The following FXR2 variants were observed in gnomAD, a reference collection of about 807,000 sequenced individuals.
FXR2 encodes RNA-binding protein FXR2.
In FXR2, 9 loss-of-function variants were observed where a neutral mutation model predicts 87.3. The ratio of observed to expected loss-of-function variants is 0.10; its 90% CI spans 0.06 to 0.18. The LOEUF (loss-of-function observed/expected upper bound fraction) is 0.18, where lower values mean the gene tolerates loss of function less well. FXR2 is among the 10% of genes least tolerant of loss of function. The probability of loss-of-function intolerance (pLI) is 1.00; values close to 1 mark genes in which losing one functional copy is unlikely to be tolerated. For missense variants in FXR2, 661 were observed against 893.6 expected (o/e 0.74, Z 3.32); for synonymous variants, 331 against 328.3 (o/e 1.01, Z -0.09).
At position 7,593,415 on chromosome 17, in the gene FXR2, C is replaced by T. The variant is rs1349749058; in HGVS notation, c.1318G>A (p.Gly440Ser). Residue 440 changes from glycine (G) to serine (S), a missense_variant, in exon 12 of 17, where the codon GGT becomes AGT. By Grantham distance (56) the Gly-to-Ser change is moderately conservative. Coordinates refer to ENST00000250113, the MANE Select transcript of FXR2 (RefSeq NM_004860.4). The surrounding 1 kb of genome is among the most constrained non-coding windows in gnomAD (Gnocchi z 6.1). ...ATAACTGTCTCACCATAGGCAGGAC[C>T]GCCTGTCCTCCGGCCACGGCCACGG... ...GGRGRGRRTG[G>S]PAYGPSSDVS... is the part of the protein sequence containing the mutation. 1.9e-6 allele frequency: 3 copies of T among 1,571,528 alleles called. 1 individual carries two copies. The highest frequency in any genetic ancestry group is 2.3e-5 in the South Asian group (2 of 85,654).
intron 1 of FXR2, among the ~76,000 whole-genome samples, chr17:7,611,915 G>A (rs886392755): frequency 2.0e-5 from 3 of 152,076 alleles, no homozygotes; most frequent in African/African-American, 7.2e-5. Flanking sequence ...TCAGGAACAG[G>A]GCAGAAAATG....
chr17:7,591,983 G>A lies in FXR2; in HGVS notation c.1927-58C>T, dbSNP rs2071665728. ...CAAGAAGCGGTGAGTAGAAATTCAGGTGGGAGACATTCCCTACCATCCAAG... is the reference window on the plus strand; with the variant it reads ...CAAGAAGCGGTGAGTAGAAATTCAGATGGGAGACATTCCCTACCATCCAAG... On this transcript the variant is annotated intron_variant, in intron 16 of 16. Transcript: ENST00000250113. The surrounding 1 kb of genome is among the most constrained non-coding windows in gnomAD (Gnocchi z 4.0). 3.2e-6 allele frequency: 4 copies of A among 1,240,874 alleles called. No homozygotes were observed. In the Admixed American group the frequency reaches 8.0e-5, roughly 25 times the overall value. The allele number at this position is 1,240,874 out of a possible 1,614,324, so 76.9% of individuals were successfully genotyped here.
rs1368626184 is a variant in FXR2 at position 7,593,420 on chromosome 17, G to A, written c.1313C>T (p.Thr438Ile). Residue 438 changes from threonine to isoleucine, a missense_variant, in exon 12 of 17, where the codon ACA (threonine) becomes ATA (isoleucine). Physicochemically the swap from Thr to Ile is moderately conservative, Grantham distance 89. This residue lies in a region of FXR2 where 409 missense variants were observed against 432.0 expected (regional missense o/e 0.95). Coordinates refer to ENST00000250113, the MANE Select transcript of FXR2 (RefSeq NM_004860.4). This position sits in a 1 kb window ranked among gnomAD's most constrained non-coding sequence, Gnocchi z 6.1. ...TGTCTCACCATAGGCAGGACCGCCT[G>A]TCCTCCGGCCACGGCCACGGCCCCC... Reference protein sequence around the residue: ...SYGGRGRGRRTGGPAYGPSSD... With the variant: ...SYGGRGRGRRIGGPAYGPSSD... The A allele has an allele frequency of 6.3e-7, 1 of 1,576,284 alleles. No individual in the cohort carries two copies. Among genetic ancestry groups the A allele is most frequent in the South Asian group, 1.2e-5 (1 of 85,996 alleles).
intron 1 of FXR2, among the ~76,000 whole-genome samples, chr17:7,612,018 A>G (rs2071868830): frequency 6.6e-6 from 1 of 152,168 alleles, no homozygotes. Flanking sequence ...GTCCCCATCT[A>G]TTCAAGTCTA....
chr17:7,591,532 T>G lies in FXR2; in HGVS notation c.*298A>C. On this transcript the variant is annotated 3_prime_UTR_variant, in exon 17 of 17. Coordinates refer to ENST00000250113, the MANE Select transcript of FXR2 (RefSeq NM_004860.4). This position sits in a 1 kb window ranked among gnomAD's most constrained non-coding sequence, Gnocchi z 4.0. Reference sequence around the variant, plus strand: ...TCGAGGAGCACCCCCCACCAACAGGTGGAGAATGGGGGTGTTCAGAGAGAG... The same window carrying G: ...TCGAGGAGCACCCCCCACCAACAGGGGGAGAATGGGGGTGTTCAGAGAGAG... 2.8e-6 allele frequency: 1 copy of G among 360,492 alleles called. No individual in the cohort carries two copies. Among genetic ancestry groups the G allele is most frequent in the East Asian group, 7.1e-5 (1 of 14,168 alleles). 22.3% of individuals were successfully genotyped at this position (360,492 alleles called of 1,614,324 possible).
chr17:7,599,091 T>G (rs2071731359), intron 7 of FXR2, among the ~76,000 whole-genome samples: 2 of 150,930 alleles, frequency 1.3e-5, no homozygotes, highest in Non-Finnish European at 3.0e-5. Context: ...GAGCGGAGAT[T>G]GTGCCATTGC....
At chr17:7,614,347 A>G in intron 1 of FXR2, 105 bp downstream of exon 1, 2 of 837,944 alleles carry the variant, frequency 2.4e-6, no homozygotes, top group South Asian at 1.7e-5. Flanking sequence ...CAAGATTCTA[A>G]GGGCCAGGAC....
chr17:7,592,737 T>C lies in FXR2; in HGVS notation c.1686A>G (p.Gly562=). Residue 562 remains glycine (G), a synonymous_variant, in exon 14 of 17, where the codon GGA becomes GGG. Transcript: ENST00000250113. This position sits in a 1 kb window ranked among gnomAD's most constrained non-coding sequence, Gnocchi z 4.8. ...RTDEDRTVMD[G]GLESDGPNMT... Reference sequence around the variant, plus strand: ...TGTTGGGCCCATCTGATTCCAGGCCTCCATCCATGACGGTCCTGTCTTCAT... The same window carrying C: ...TGTTGGGCCCATCTGATTCCAGGCCCCCATCCATGACGGTCCTGTCTTCAT... 6.2e-7 allele frequency: 1 copy of C among 1,612,688 alleles called. No homozygotes were observed. The highest frequency in any genetic ancestry group is 1.1e-5 in the South Asian group (1 of 91,020).
intron 1 of FXR2, among the ~76,000 whole-genome samples, chr17:7,606,549 A>G (rs1447395969): frequency 6.6e-6 from 1 of 152,220 alleles, no homozygotes; most frequent in Non-Finnish European, 1.5e-5. Context: ...CCTAGAGGAC[A>G]TGAGGATCTG....
At position 7,604,091 on chromosome 17, in the gene FXR2, GT is replaced by G. The variant is rs145728391; in HGVS notation, c.229-12del. On this transcript the variant is annotated splice_polypyrimidine_tract_variant and intron_variant, in intron 3 of 16. Coordinates refer to ENST00000250113, the MANE Select transcript of FXR2 (RefSeq NM_004860.4). ...GGCTCGAGAATAAACCTAAAGAAAA[GT>G]AGAGAATCAAAGAGATATTGAAGAC... 2 of 1,554,866 alleles carry G rather than the reference GT, an allele frequency of 1.3e-6. No homozygotes were observed. The highest frequency in any genetic ancestry group is 1.9e-5 in the Admixed American group (1 of 51,556).
In FXR2 at chr17:7,592,977, C is replaced by T; in HGVS notation, c.1528+7G>A. On this transcript the variant is annotated splice_region_variant and intron_variant, in intron 13 of 16. Coordinates refer to ENST00000250113, the MANE Select transcript of FXR2 (RefSeq NM_004860.4). This position sits in a 1 kb window ranked among gnomAD's most constrained non-coding sequence, Gnocchi z 4.8. ...GGCCCATATTCATGAACCCAGCTGT[C>T]TGGTACCTGAGCTAATAGATGAAGA... is the stretch of plus-strand genomic sequence containing the variant. The T allele has an allele frequency of 6.4e-7, 1 of 1,565,232 alleles. No individual in the cohort carries two copies. The highest frequency in any genetic ancestry group is 8.6e-7 in the Non-Finnish European group (1 of 1,157,648).
intron 1 of FXR2, chr17:7,613,898 ACGT>A: frequency 2.7e-6 from 1 of 371,820 alleles, no homozygotes; most frequent in Non-Finnish European, 5.4e-6. Flanking sequence ...AAGATGCCAA[ACGT>A]CGTAAATGGA....
At chr17:7,596,704 G>GGT (rs2071710651) in intron 7 of FXR2, among the ~76,000 whole-genome samples, 1 of 152,188 alleles carries the variant, frequency 6.6e-6, no homozygotes, top group Non-Finnish European at 1.5e-5. Context: ...AGACAAGGCT[G>GGT]GTGTGAAAGT....
rs751283911 is a variant in FXR2, at chr17:7,592,513, G to A, written c.1816C>T (p.Arg606Cys). ...NRTDGSISGD[R>C]QPVTVADYIS... is the part of the protein sequence containing the mutation. ...TCCAGAGTTGGCTGACCTGGCTGGC[G>A]GTCTCCACTGATAGAGCCATCAGTC... The change falls in exon 15 of 17, where the codon CGC becomes TGC. Residue 606 changes from arginine (R) to cysteine (C), a missense_variant. Physicochemically the swap from Arg to Cys is radical, Grantham distance 180. Coordinates refer to ENST00000250113, the MANE Select transcript of FXR2 (RefSeq NM_004860.4). The surrounding 1 kb of genome is among the most constrained non-coding windows in gnomAD (Gnocchi z 4.8). 3.7e-6 allele frequency: 6 copies of A among 1,613,784 alleles called. No individual in the cohort carries two copies. The highest frequency in any genetic ancestry group is 2.2e-5 in the East Asian group (1 of 44,886).
rs202152843 is a variant in FXR2 at position 7,604,721 on chromosome 17, C to CT, written c.229-642dup. Reference sequence around the variant, plus strand: ...GAAAAAAAAGGTATTTGGGATGCATCTTTTTTTTTTTTTTTTTGAGACAGA... The same window carrying CT: ...GAAAAAAAAGGTATTTGGGATGCATCTTTTTTTTTTTTTTTTTTGAGACAGA... On this transcript the variant is annotated intron_variant, in intron 3 of 16. Transcript: ENST00000250113. Among the ~76,000 whole-genome samples the CT allele has an allele frequency of 6.0e-3, 777 of 130,522 alleles. 7 individuals carry two copies. Among genetic ancestry groups the CT allele is most frequent in the African/African-American group, 0.016 (555 of 35,570 alleles). 85.6% of individuals were successfully genotyped at this position (130,522 alleles called of 152,430 possible). A position where few individuals can be genotyped will look rare whatever the true frequency, so the allele number is the denominator to read the frequency against.
intron 1 of FXR2, among the ~76,000 whole-genome samples, chr17:7,611,667 C>CAAAT (rs2071866081): frequency 6.7e-6 from 1 of 148,734 alleles, no homozygotes; most frequent in African/African-American, 2.5e-5. Context: ...GACCCTGTCT[C>CAAAT]AAATAAAAAA....
Position 7,593,104 on chromosome 17 carries a change from C to G in FXR2, c.1408G>C (p.Asp470His). The G allele has an allele frequency of 1.3e-6, 2 of 1,594,504 alleles. No homozygotes were observed. Among genetic ancestry groups the G allele is most frequent in the South Asian group, 2.3e-5 (2 of 88,656 alleles). The stretch of plus-strand genomic sequence containing the variant: ...TCCCCTCGGGTTGGGGGATCCCTGT[C>G]GCCAGGCCCAGCTCGGTTGGGCTCC... ...REEPNRAGPG[D>H]RDPPTRGEES... Residue 470 changes from aspartate (D) to histidine (H), a missense_variant, in exon 13 of 17, where the codon GAC becomes CAC. This residue lies in a region of FXR2 where 409 missense variants were observed against 432.0 expected (regional missense o/e 0.95). Transcript: ENST00000250113. The surrounding 1 kb of genome is among the most constrained non-coding windows in gnomAD (Gnocchi z 6.1).
At position 7,594,825 on chromosome 17, in the gene FXR2, G is replaced by C; in HGVS notation, c.832-68C>G. On this transcript the variant is annotated intron_variant, in intron 8 of 16. Transcript: ENST00000250113. The surrounding 1 kb of genome is among the most constrained non-coding windows in gnomAD (Gnocchi z 5.1). ...CAGCTGGATGTGGTGGCTCACGCCTGTAATCCCAGCACTTTGGGAGGCTGG... is the reference window on the plus strand; with the variant it reads ...CAGCTGGATGTGGTGGCTCACGCCTCTAATCCCAGCACTTTGGGAGGCTGG... The C allele has an allele frequency of 1.1e-6, 1 of 943,690 alleles. No individual in the cohort carries two copies. The highest frequency in any genetic ancestry group is 1.8e-6 in the Non-Finnish European group (1 of 570,794). The allele number at this position is 943,690 out of a possible 1,614,324, so 58.5% of individuals were successfully genotyped here.
chr17:7,612,107 C>T (rs546215587), intron 1 of FXR2, among the ~76,000 whole-genome samples: 17 of 152,184 alleles, frequency 1.1e-4, no homozygotes, highest in Non-Finnish European at 2.1e-4. Flanking sequence ...GGACAGAAAA[C>T]GTGTCCCTTC....
Sources: gnomAD v4.1 joint callset for allele counts (sites outside exome capture counted in the v4.1 genomes callset) on GRCh38, gnomAD v4.1.1 for gene constraint, gnomAD v4.1.1 regional missense constraint, Gnocchi (gnomAD v3.1) non-coding constraint, MANE v1.5 for transcripts, NCBI Gene and HGNC (gene_info 2026-07-23, HGNC 2026-07-21) for gene names.